The following PTCSC3 variants were observed in gnomAD, a reference collection of about 807,000 sequenced individuals.
PTCSC3 encodes papillary thyroid carcinoma susceptibility candidate 3 (non-protein coding).
intron 2 of PTCSC3, among the ~76,000 whole-genome samples, chr14:36,155,224 G>C (rs1881803594): frequency 6.6e-6 from 1 of 152,124 alleles, no homozygotes; most frequent in Non-Finnish European, 1.5e-5. Context: ...TTAAGTGACT[G>C]ATAATTATTT....
chr14:36,146,791 C>T (rs546094212), intron 3 of PTCSC3, among the ~76,000 whole-genome samples: 2,958 of 138,746 alleles, frequency 0.021, 80 homozygotes, highest in African/African-American at 0.068. Flanking sequence ...GATTTTGCAG[C>T]GGCTGGTACT....
At chr14:36,172,675 G>A (rs1013537182) in intron 1 of PTCSC3, among the ~76,000 whole-genome samples, 3 of 151,954 alleles carry the variant, frequency 2.0e-5, no homozygotes, top group African/African-American at 7.3e-5. Flanking sequence ...TTGATTTCCT[G>A]ATTTATGACC....
At chr14:36,154,837 T>A (rs1881795959) in intron 2 of PTCSC3, among the ~76,000 whole-genome samples, 1 of 152,206 alleles carries the variant, frequency 6.6e-6, no homozygotes, top group Admixed American at 6.5e-5. Context: ...ATAATTTTAA[T>A]TGTTATGTAA....
At chr14:36,141,660 T>C (rs1049775018) in intron 3 of PTCSC3, among the ~76,000 whole-genome samples, 8 of 152,056 alleles carry the variant, frequency 5.3e-5, no homozygotes, top group African/African-American at 1.9e-4. Context: ...GCCAGAGTTA[T>C]ATATTTTATC....
intron 2 of PTCSC3, among the ~76,000 whole-genome samples, chr14:36,157,497 T>C (rs529890033): frequency 6.6e-6 from 1 of 152,332 alleles, no homozygotes; most frequent in South Asian, 2.1e-4. Flanking sequence ...TGAGTGGTAT[T>C]GCCTAGGTTT....
chr14:36,149,700 T>C (rs1202153922), intron 3 of PTCSC3, among the ~76,000 whole-genome samples: 1 of 152,206 alleles, frequency 6.6e-6, no homozygotes, highest in Non-Finnish European at 1.5e-5. Context: ...CTTTTATTAA[T>C]ATATAACACT....
rs1032794009 is a variant in PTCSC3 at position 36,166,289 on chromosome 14, T to C, written n.172-3606A>G. Among the ~76,000 whole-genome samples the C allele has an allele frequency of 9.2e-5, 14 of 152,196 alleles. 1 individual carries two copies. On this transcript the variant is annotated intron_variant and non_coding_transcript_variant, in intron 1 of 3. Transcript: ENST00000556013. ...AGTCCTTGATGACTTTTTAATAAAA[T>C]ACGCTACAGAGAACGTAAGGACGAA...
At chr14:36,173,608 A>G (rs1882227980) in intron 1 of PTCSC3, among the ~76,000 whole-genome samples, 1 of 143,676 alleles carries the variant, frequency 7.0e-6, no homozygotes, top group Non-Finnish European at 1.5e-5. Flanking sequence ...CTTCAGTTCT[A>G]TAATGATATC....
At chr14:36,147,167 C>G (rs1881595410) in intron 3 of PTCSC3, among the ~76,000 whole-genome samples, 1 of 152,060 alleles carries the variant, frequency 6.6e-6, no homozygotes, top group Non-Finnish European at 1.5e-5. Flanking sequence ...GGAGGAGTAT[C>G]TTTGTGGCGT....
Position 36,169,135 on chromosome 14 carries a change from G to C in PTCSC3, n.172-6452C>G, listed in dbSNP as rs184471736. Among the ~76,000 whole-genome samples, 291 of 152,190 alleles carry C rather than the reference G, an allele frequency of 1.9e-3. 1 individual carries two copies. Among genetic ancestry groups the C allele is most frequent in the African/African-American group, 6.9e-3 (286 of 41,528 alleles). On this transcript the variant is annotated intron_variant and non_coding_transcript_variant, in intron 1 of 3. Transcript: ENST00000556013. ...CCAAACCTGCTACTTGATTCAGTCA[G>C]AGATCTTCCAAATTTACACATTCAA... is the stretch of plus-strand genomic sequence containing the variant.
At chr14:36,150,427 G>T (rs1208841876) in intron 3 of PTCSC3, among the ~76,000 whole-genome samples, 1 of 152,160 alleles carries the variant, frequency 6.6e-6, no homozygotes, top group South Asian at 2.1e-4. Context: ...GAATCTGTTG[G>T]TGACTTGATT....
chr14:36,162,370 G>A (rs115221717), intron 2 of PTCSC3, among the ~76,000 whole-genome samples: 3,819 of 152,050 alleles, frequency 0.025, 154 homozygotes, highest in African/African-American at 0.088. Context: ...AGGCACTGGA[G>A]GGAATCTCCT....
chr14:36,169,738 C>T (rs1002472763), intron 1 of PTCSC3, among the ~76,000 whole-genome samples: 1 of 152,088 alleles, frequency 6.6e-6, no homozygotes, highest in Non-Finnish European at 1.5e-5. Flanking sequence ...GGAAAAGCAG[C>T]TGGTAGAGCT....
chr14:36,147,082 A>G (rs531078797), intron 3 of PTCSC3, among the ~76,000 whole-genome samples: 1 of 152,024 alleles, frequency 6.6e-6, no homozygotes, highest in African/African-American at 2.4e-5. Context: ...CTTTCTCTCT[A>G]GCTGCCCTTA....
At chr14:36,152,559 C>T (rs1444532335) in intron 3 of PTCSC3, among the ~76,000 whole-genome samples, 1 of 152,086 alleles carries the variant, frequency 6.6e-6, no homozygotes, top group African/African-American at 2.4e-5. Flanking sequence ...TTTAAAACAT[C>T]TATGTCAAAG....
chr14:36,151,640 G>A (rs1695344692), intron 3 of PTCSC3, among the ~76,000 whole-genome samples: 1 of 152,030 alleles, frequency 6.6e-6, no homozygotes, highest in Non-Finnish European at 1.5e-5. Flanking sequence ...TACTCCCTGG[G>A]TTGTGACTTT....
Position 36,158,946 on chromosome 14 carries a change from A to G in PTCSC3, n.231+3678T>C, listed in dbSNP as rs578022083. Among the ~76,000 whole-genome samples the G allele has an allele frequency of 3.3e-5, 5 of 152,306 alleles. 1 individual carries two copies. The South Asian group carries it at 1.0e-3, about 32-fold the overall frequency. On this transcript the variant is annotated intron_variant and non_coding_transcript_variant, in intron 2 of 3. Coordinates refer to ENST00000556013, the Ensembl canonical transcript of PTCSC3. Reference sequence around the variant, plus strand: ...GAATTGCAGAACTTGTTATTGGTCTATTCAGGGATTCAACTTCTTCCTGGT... The same window carrying G: ...GAATTGCAGAACTTGTTATTGGTCTGTTCAGGGATTCAACTTCTTCCTGGT...
intron 1 of PTCSC3, among the ~76,000 whole-genome samples, chr14:36,168,752 A>C (rs1882141634): frequency 6.6e-6 from 1 of 152,058 alleles, no homozygotes; most frequent in African/African-American, 2.4e-5. Context: ...AATAGCTGGA[A>C]CTGCAAGTAC....
chr14:36,167,810 G>A (rs1337170128), intron 1 of PTCSC3, among the ~76,000 whole-genome samples: 1 of 151,986 alleles, frequency 6.6e-6, no homozygotes, highest in Non-Finnish European at 1.5e-5. Context: ...CAATTAAATG[G>A]GAACAGTACT....
Sources: allele counts gnomAD v4.1 joint callset (sites outside exome capture counted in the v4.1 genomes callset), GRCh38; gene constraint gnomAD v4.1.1; transcripts MANE v1.5; gene names NCBI Gene and HGNC (gene_info 2026-07-23, HGNC 2026-07-21).